The following CDKAL1 variants were observed in gnomAD, a reference collection of about 807,000 sequenced individuals.
The protein encoded by CDKAL1 is threonylcarbamoyladenosine tRNA methylthiotransferase.
Under a neutral mutation model 68.2 loss-of-function variants are expected in CDKAL1, and 32 were observed. The observed-to-expected ratio is 0.47, with a 90% confidence interval of 0.35 to 0.63. The LOEUF (loss-of-function observed/expected upper bound fraction) is 0.63. CDKAL1 is among the 30% of genes least tolerant of loss of function. The probability of loss-of-function intolerance (pLI) is 0.00; values close to 1 mark genes in which losing one functional copy is unlikely to be tolerated. For missense variants in CDKAL1, 606 were observed against 696.7 expected (o/e 0.87, Z 1.47); for synonymous variants, 234 against 244.3 (o/e 0.96, Z 0.39).
intron 9 of CDKAL1, among the ~76,000 whole-genome samples, chr6:20,945,071 T>TACACACACGCACACACACGTACACAC (rs1554144391): frequency 5.3e-5 from 8 of 150,264 alleles, no homozygotes; most frequent in Non-Finnish European, 1.2e-4. Flanking sequence ...CACACACACG[T>TACACACACGCACACACACGTACACAC]ACACACACAC....
chr6:20,690,318 CAAAT>C (rs1308421285), intron 5 of CDKAL1, among the ~76,000 whole-genome samples: 4 of 152,076 alleles, frequency 2.6e-5, no homozygotes, highest in Admixed American at 6.5e-5. Flanking sequence ...TTATAACTGT[CAAAT>C]AAATGAACAT....
chr6:20,682,727 G>A (rs1249227039), intron 5 of CDKAL1, among the ~76,000 whole-genome samples: 1 of 152,154 alleles, frequency 6.6e-6, no homozygotes, highest in Non-Finnish European at 1.5e-5. Flanking sequence ...TTCCCAACTT[G>A]AATTCCTTTA....
intron 6 of CDKAL1, among the ~76,000 whole-genome samples, chr6:20,740,960 T>A (rs1353825464): frequency 6.6e-6 from 1 of 152,188 alleles, no homozygotes; most frequent in Non-Finnish European, 1.5e-5. Context: ...TGGAAGTCTT[T>A]TTTAGAGATG....
At chr6:20,835,877 A>G (rs752786999) in intron 8 of CDKAL1, among the ~76,000 whole-genome samples, 1 of 152,122 alleles carries the variant, frequency 6.6e-6, no homozygotes, top group South Asian at 2.1e-4. Flanking sequence ...TTCAGTTTTC[A>G]TATCTGAAAA....
intron 9 of CDKAL1, among the ~76,000 whole-genome samples, chr6:20,879,893 C>T (rs1281206943): frequency 6.6e-6 from 1 of 152,178 alleles, no homozygotes; most frequent in Non-Finnish European, 1.5e-5. Flanking sequence ...AAGGTTCACT[C>T]TGACTGTCCA....
intron 11 of CDKAL1, among the ~76,000 whole-genome samples, chr6:21,039,823 A>G (rs1769816183): frequency 6.6e-6 from 1 of 152,188 alleles, no homozygotes; most frequent in Non-Finnish European, 1.5e-5. Context: ...TAGACATGCC[A>G]TATAATTTTT....
intron 4 of CDKAL1, among the ~76,000 whole-genome samples, chr6:20,602,698 A>C (rs2127713944): frequency 6.6e-6 from 1 of 152,198 alleles, no homozygotes; most frequent in East Asian, 1.9e-4. Flanking sequence ...TTTCTCCATG[A>C]TTCCTCAGAG....
chr6:21,195,972 T>G (rs548001672), intron 13 of CDKAL1, among the ~76,000 whole-genome samples: 1 of 152,312 alleles, frequency 6.6e-6, no homozygotes, highest in African/African-American at 2.4e-5. Context: ...AGTTAAATAC[T>G]CACCTACAAA....
At chr6:20,911,067 C>G (rs1762446073) in intron 9 of CDKAL1, among the ~76,000 whole-genome samples, 1 of 152,220 alleles carries the variant, frequency 6.6e-6, no homozygotes, top group African/African-American at 2.4e-5. Flanking sequence ...GCTAGGGCAA[C>G]CCCAGCAAAC....
intron 13 of CDKAL1, among the ~76,000 whole-genome samples, chr6:21,113,758 C>G (rs112564357): frequency 0.031 from 4,657 of 151,380 alleles, 231 homozygotes; most frequent in African/African-American, 0.11. Flanking sequence ...CATGAGCCAC[C>G]GTGCCTGGCC....
intron 4 of CDKAL1, among the ~76,000 whole-genome samples, chr6:20,648,570 T>C (rs1318125609): frequency 1.3e-5 from 2 of 152,234 alleles, no homozygotes; most frequent in African/African-American, 4.8e-5. Context: ...TCATGTCATT[T>C]GATCTTAGCT....
chr6:20,823,095 C>T (rs959431320), intron 8 of CDKAL1, among the ~76,000 whole-genome samples: 2 of 152,138 alleles, frequency 1.3e-5, no homozygotes, highest in African/African-American at 4.8e-5. Context: ...CTCTCACATA[C>T]ATATATACGA....
chr6:20,847,446 G>A lies in CDKAL1; in HGVS notation c.742+1268G>A, dbSNP rs537564748. On this transcript the variant is annotated intron_variant, in intron 9 of 15. Transcript: ENST00000274695. ...TTTCCATGTATCTGTCAGATAATGC[G>A]GATATTAAACATAGATGATCTATCT... Among the ~76,000 whole-genome samples the A allele has an allele frequency of 1.8e-4, 27 of 152,232 alleles. No homozygotes were observed. The South Asian group carries it at 3.1e-3, about 18-fold the overall frequency.
intron 11 of CDKAL1, among the ~76,000 whole-genome samples, chr6:21,000,983 C>G (rs1475926283): frequency 6.6e-6 from 1 of 152,162 alleles, no homozygotes. Flanking sequence ...ATACTTTCAG[C>G]CCTTAATTAT....
chr6:20,902,591 T>C (rs1453388670), intron 9 of CDKAL1, among the ~76,000 whole-genome samples: 1 of 152,170 alleles, frequency 6.6e-6, no homozygotes, highest in Non-Finnish European at 1.5e-5. Flanking sequence ...AATATATGGC[T>C]ATATCTGGAG....
At chr6:20,811,342 A>T (rs895681015) in intron 8 of CDKAL1, among the ~76,000 whole-genome samples, 1 of 152,182 alleles carries the variant, frequency 6.6e-6, no homozygotes, top group Admixed American at 6.6e-5. Context: ...TACCAAGGAG[A>T]TAAATGTCGA....
intron 5 of CDKAL1, among the ~76,000 whole-genome samples, chr6:20,735,168 CCTT>C (rs1465408857): frequency 1.3e-5 from 2 of 152,158 alleles, no homozygotes; most frequent in African/African-American, 4.8e-5. Flanking sequence ...CTGCATCCGA[CCTT>C]CTCTTTTTTT....
chr6:20,771,962 T>G (rs1165742652), intron 7 of CDKAL1, among the ~76,000 whole-genome samples: 5 of 152,194 alleles, frequency 3.3e-5, no homozygotes, highest in Admixed American at 3.3e-4. Flanking sequence ...CAGGTATTCC[T>G]TTATAGCAGT....
intron 8 of CDKAL1, among the ~76,000 whole-genome samples, chr6:20,835,204 G>A (rs138036326): frequency 3.3e-5 from 5 of 152,046 alleles, no homozygotes; most frequent in Middle Eastern, 3.2e-3. Flanking sequence ...CATGATTGTG[G>A]CAATGTTTCA....
Sources: gnomAD v4.1 joint callset for allele counts (sites outside exome capture counted in the v4.1 genomes callset) on GRCh38, gnomAD v4.1.1 for gene constraint, MANE v1.5 for transcripts, NCBI Gene and HGNC (gene_info 2026-07-23, HGNC 2026-07-21) for gene names.